The following ZNF831 variants were observed in gnomAD, a reference collection of about 807,000 sequenced individuals.
The protein encoded by ZNF831 is chromosome 20 open reading frame 174.
A neutral mutation model predicts 95.8 loss-of-function variants in ZNF831; 59 were observed. The ratio of observed to expected loss-of-function variants is 0.62; its 90% CI spans 0.50 to 0.77. ZNF831 has a LOEUF of 0.77. Ranked by LOEUF, ZNF831 falls within the 30% of genes least tolerant of loss-of-function variation. The pLI is 0.00. For synonymous variants in ZNF831, 961 were observed against 925.5 expected, an observed-to-expected ratio of 1.04 and a Z score of -0.70; for missense variants, 2,205 against 2,164.0, an observed-to-expected ratio of 1.02 and a Z score of -0.38.
intron 4 of ZNF831, among the ~76,000 whole-genome samples, chr20:59,250,346 C>CTGA (rs1377362844): frequency 6.6e-6 from 1 of 152,162 alleles, no homozygotes; most frequent in Non-Finnish European, 1.5e-5. Context: ...AGTCAGGAGA[C>CTGA]CCGAGGACTC....
At chr20:59,195,668 C>A (rs1039866617) in intron 2 of ZNF831, 2 of 645,020 alleles carry the variant, frequency 3.1e-6, no homozygotes, top group African/African-American at 2.0e-5. Context: ...CAAGCCCAGG[C>A]GGGGTTTCAG....
chr20:59,245,644 G>A (rs774002365), intron 4 of ZNF831, among the ~76,000 whole-genome samples: 9 of 152,142 alleles, frequency 5.9e-5, no homozygotes, highest in Admixed American at 1.3e-4. Flanking sequence ...CCTTGCTTCG[G>A]AACCACTGGT....
intron 3 of ZNF831, among the ~76,000 whole-genome samples, chr20:59,203,077 G>A (rs1363767623): frequency 1.3e-5 from 2 of 152,080 alleles, no homozygotes; most frequent in African/African-American, 2.4e-5. Context: ...AAATTTTGAT[G>A]TAGTCAAATG....
At position 59,255,522 on chromosome 20, in the gene ZNF831, C is replaced by T. The variant is rs921976670; in HGVS notation, c.*779C>T. ...GGTTTTTCTAGTTCTTGCAAAGGAA[C>T]GGTGTTAAAAGTTAATAGAACTGTC... On this transcript the variant is annotated 3_prime_UTR_variant, in exon 6 of 6. Coordinates refer to ENST00000371030, the MANE Select transcript of ZNF831 (RefSeq NM_178457.3). 7.2e-5 allele frequency: 11 copies of T among 152,072 alleles called. No homozygotes were observed. Among genetic ancestry groups the T allele is most frequent in the African/African-American group, 2.4e-4 (10 of 41,394 alleles). The allele number at this position is 152,072 out of a possible 1,614,324, so 9.4% of individuals were successfully genotyped here.
intron 1 of ZNF831, among the ~76,000 whole-genome samples, chr20:59,140,294 G>C (rs1979637425): frequency 6.6e-6 from 1 of 152,162 alleles, no homozygotes; most frequent in African/African-American, 2.4e-5. Context: ...AGGCTACCGT[G>C]ATTTTAAATT....
chr20:59,178,203 G>A (rs1982325519), intron 1 of ZNF831, among the ~76,000 whole-genome samples: 1 of 152,238 alleles, frequency 6.6e-6, no homozygotes, highest in South Asian at 2.1e-4. Context: ...TGAGTTGACA[G>A]CTAGGAGCAT....
rs2146766321 is a variant in ZNF831 at position 59,254,241 on chromosome 20, C to T, written c.4532C>T (p.Ala1511Val). The change falls in exon 6 of 6, where the codon GCT becomes GTT. Residue 1511 changes from alanine (A) to valine (V), a missense_variant. Coordinates refer to ENST00000371030, the MANE Select transcript of ZNF831 (RefSeq NM_178457.3). This position sits in a 1 kb window ranked among gnomAD's most constrained non-coding sequence, Gnocchi z 4.5. ...TDHIAQEIHS[A>V]ESRDHSQTAG... is the part of the protein sequence containing the mutation. ...CACATAGCCCAGGAAATTCACAGTG[C>T]TGAATCACGAGACCACAGCCAGACT... 1 of 1,614,086 alleles carries T rather than the reference C, an allele frequency of 6.2e-7. No homozygotes were observed. The highest frequency in any genetic ancestry group is 8.5e-7 in the Non-Finnish European group (1 of 1,179,994).
chr20:59,222,142 G>A (rs2146675672), intron 4 of ZNF831, among the ~76,000 whole-genome samples: 1 of 152,350 alleles, frequency 6.6e-6, no homozygotes, highest in East Asian at 1.9e-4. Flanking sequence ...CCCCTACTCA[G>A]GGGCTGTAAC....
chr20:59,246,888 C>T (rs146475781), intron 4 of ZNF831, among the ~76,000 whole-genome samples: 4 of 152,310 alleles, frequency 2.6e-5, no homozygotes, highest in Non-Finnish European at 5.9e-5. Flanking sequence ...CAGCTGAAGT[C>T]GGAGCTGCTT....
Position 59,209,415 on chromosome 20 carries a change from T to C in ZNF831, c.4027+2359T>C, listed in dbSNP as rs1302133353. 3.9e-5 allele frequency among the ~76,000 whole-genome samples: 6 copies of C among 152,278 alleles called. No homozygotes were observed. The South Asian group carries it at 1.2e-3, about 32-fold the overall frequency. On this transcript the variant is annotated intron_variant, in intron 4 of 5. Transcript: ENST00000371030. ...CTTTCTGGAAAGATGGGGGTTCTTT[T>C]GGAAATCTGGATGTAGGGAGAACAG...
chr20:59,156,092 G>A (rs995463032), intron 2 of ZNF831, among the ~76,000 whole-genome samples: 14 of 152,348 alleles, frequency 9.2e-5, no homozygotes, highest in African/African-American at 2.6e-4. Flanking sequence ...AACATACACT[G>A]TATGACTTTA....
intron 1 of ZNF831, among the ~76,000 whole-genome samples, chr20:59,139,373 T>A (rs1033093947): frequency 2.0e-5 from 3 of 152,152 alleles, no homozygotes; most frequent in Non-Finnish European, 4.4e-5. Context: ...TAAAAATAAT[T>A]TTTATTTTCC....
chr20:59,198,493 C>A (rs938541890), intron 3 of ZNF831, among the ~76,000 whole-genome samples: 2 of 152,188 alleles, frequency 1.3e-5, no homozygotes, highest in Non-Finnish European at 2.9e-5. Context: ...CTCGGCCAGC[C>A]TCTCTCAGTT....
rs1180449583 is a variant in ZNF831 at position 59,169,282 on chromosome 20, T to C, written c.-37+5075T>C. Among the ~76,000 whole-genome samples, 1 of 152,198 alleles carries C rather than the reference T, an allele frequency of 6.6e-6. No individual in the cohort carries two copies. The highest frequency in any genetic ancestry group is 1.5e-5 in the Non-Finnish European group (1 of 68,026). On this transcript the variant is annotated intron_variant, in intron 1 of 5. Coordinates refer to ENST00000371030, the MANE Select transcript of ZNF831 (RefSeq NM_178457.3). The surrounding 1 kb of genome is among the most constrained non-coding windows in gnomAD (Gnocchi z 4.1). ...TTCCCATTAGGTGGATCATGGTAGT[T>C]TGCGCTTTTTGAGGAATTGGTCCAC...
At chr20:59,151,855 C>T (rs1461358120) in intron 2 of ZNF831, among the ~76,000 whole-genome samples, 1 of 152,158 alleles carries the variant, frequency 6.6e-6, no homozygotes. Context: ...GAGGTGGCTG[C>T]CCAGCCCCTC....
intron 1 of ZNF831, among the ~76,000 whole-genome samples, chr20:59,176,027 G>A (rs909739636): frequency 3.9e-5 from 6 of 152,198 alleles, no homozygotes; most frequent in African/African-American, 1.4e-4. Flanking sequence ...GGCCTTTACT[G>A]ACATTTCCCT....
chr20:59,229,782 C>T (rs947939501), intron 4 of ZNF831, among the ~76,000 whole-genome samples: 6 of 152,078 alleles, frequency 3.9e-5, no homozygotes, highest in Non-Finnish European at 8.8e-5. Context: ...CAGGGTGAGG[C>T]ACCATGCTTG....
intron 2 of ZNF831, among the ~76,000 whole-genome samples, chr20:59,155,552 T>A (rs1333213170): frequency 1.3e-5 from 2 of 152,194 alleles, no homozygotes; most frequent in African/African-American, 2.4e-5. Flanking sequence ...CAAATTGGTT[T>A]TAGCTCAGGT....
intron 1 of ZNF831, among the ~76,000 whole-genome samples, chr20:59,129,658 AGCCCCGTGAAGTTGCTGCCTGTGTG>A (rs1979288322): frequency 6.6e-6 from 1 of 152,166 alleles, no homozygotes; most frequent in African/African-American, 2.4e-5. Flanking sequence ...AGAACTGTGT[AGCCCCGTGAAGTTGCTGCCTGTGTG>A]GCCCCTTCAT....
Sources: allele counts gnomAD v4.1 joint callset (sites outside exome capture counted in the v4.1 genomes callset), GRCh38; gene constraint gnomAD v4.1.1; non-coding constraint Gnocchi (gnomAD v3.1); transcripts MANE v1.5; gene names NCBI Gene and HGNC (gene_info 2026-07-23, HGNC 2026-07-21).